The following CDC14B variants were observed in gnomAD, a reference collection of about 807,000 sequenced individuals.
The protein encoded by CDC14B is dual specificity protein phosphatase CDC14B.
In CDC14B, 22 loss-of-function variants were observed where a neutral mutation model predicts 64.2. The ratio of observed to expected loss-of-function variants is 0.34; its 90% CI spans 0.24 to 0.49. The LOEUF (loss-of-function observed/expected upper bound fraction) is 0.49. Among genes scored for constraint, CDC14B ranks in the 20% least tolerant of loss-of-function variants. CDC14B has a pLI of 0.99. For missense variants in CDC14B, 498 were observed against 629.9 expected (o/e 0.79, Z 2.24); for synonymous variants, 191 against 215.8 (o/e 0.89, Z 1.01).
rs202193145 is a variant in CDC14B at position 96,551,111 on chromosome 9, C to CTTTTTTTTTTTTTTTTTTTTT, written c.497+684_497+685insAAAAAAAAAAAAAAAAAAAAA. Reference sequence around the variant, plus strand: ...TACAAAGCCTAGGTTTTGGGGTTTGCTTTTTTTTTTTTTTTTTTTGAGACA... The same window carrying CTTTTTTTTTTTTTTTTTTTTT: ...TACAAAGCCTAGGTTTTGGGGTTTGCTTTTTTTTTTTTTTTTTTTTTTTTTTTTTTTTTTTTTTTTGAGACA... On this transcript the variant is annotated intron_variant, in intron 5 of 13. Transcript: ENST00000375241. 5.5e-3 allele frequency among the ~76,000 whole-genome samples: 516 copies of CTTTTTTTTTTTTTTTTTTTTT among 93,210 alleles called. 75 individuals are homozygous for CTTTTTTTTTTTTTTTTTTTTT. Among genetic ancestry groups the CTTTTTTTTTTTTTTTTTTTTT allele is most frequent in the South Asian group, 8.5e-3 (15 of 1,758 alleles). The allele number at this position is 93,210 out of a possible 152,430, so 61.1% of individuals were successfully genotyped here. A position where few individuals can be genotyped will look rare whatever the true frequency, so the allele number is the denominator to read the frequency against.
chr9:96,549,683 A>G (rs574329504), intron 5 of CDC14B, among the ~76,000 whole-genome samples: 1 of 152,214 alleles, frequency 6.6e-6, no homozygotes, highest in African/African-American at 2.4e-5. Flanking sequence ...AAAGAAAGAA[A>G]CACTGTTTAG....
chr9:96,571,509 T>A (rs1844476116), intron 1 of CDC14B, among the ~76,000 whole-genome samples: 1 of 151,976 alleles, frequency 6.6e-6, no homozygotes, highest in African/African-American at 2.4e-5. Flanking sequence ...CACACAGAAT[T>A]TTAAAGTGTG....
intron 1 of CDC14B, among the ~76,000 whole-genome samples, chr9:96,583,715 TTTTTTA>T (rs1382208495): frequency 6.6e-6 from 1 of 151,056 alleles, no homozygotes; most frequent in Non-Finnish European, 1.5e-5. Flanking sequence ...GGATTTCTTA[TTTTTTA>T]TTTTTATTTT....
At position 96,534,550 on chromosome 9, in the gene CDC14B, G is replaced by A. The variant is rs1210828801; in HGVS notation, c.628-8C>T. The A allele has an allele frequency of 6.3e-7, 1 of 1,588,208 alleles. No homozygotes were observed. The highest frequency in any genetic ancestry group is 8.6e-7 in the Non-Finnish European group (1 of 1,156,968). On this transcript the variant is annotated splice_region_variant and splice_polypyrimidine_tract_variant and intron_variant, in intron 7 of 13. Transcript: ENST00000375241. ...ATCTCCATTTTCTGCTTTCTGCAAG[G>A]GGAAGACCAGCACAATTCGTTTTTA...
intron 9 of CDC14B, among the ~76,000 whole-genome samples, chr9:96,533,024 T>C (rs1174073175): frequency 6.6e-6 from 1 of 152,160 alleles, no homozygotes; most frequent in African/African-American, 2.4e-5. Context: ...TGGAGTGCAG[T>C]GGCATGATCT....
intron 1 of CDC14B, among the ~76,000 whole-genome samples, chr9:96,604,562 T>C (rs916807780): frequency 8.1e-5 from 12 of 148,996 alleles, no homozygotes; most frequent in Non-Finnish European, 1.5e-4. Flanking sequence ...GTATTTTTAG[T>C]AGAGACAGGG....
intron 1 of CDC14B, among the ~76,000 whole-genome samples, chr9:96,603,736 AAC>A (rs1468662139): frequency 1.3e-5 from 2 of 152,224 alleles, no homozygotes; most frequent in South Asian, 2.1e-4. Flanking sequence ...CTCCAGTAAG[AAC>A]AGACTGAATT....
intron 5 of CDC14B, among the ~76,000 whole-genome samples, chr9:96,542,565 T>C (rs1292586700): frequency 1.3e-5 from 2 of 152,108 alleles, no homozygotes; most frequent in African/African-American, 4.8e-5. Context: ...TGCAGCTCAC[T>C]GCAGCCTCAA....
intron 1 of CDC14B, among the ~76,000 whole-genome samples, chr9:96,606,332 C>CAAAAA (rs772460843): frequency 0.028 from 595 of 21,008 alleles, 88 homozygotes; most frequent in African/African-American, 0.063. Context: ...GACTCCATCT[C>CAAAAA]AAAAAAAAAA....
rs16911282 is a variant in CDC14B, at chr9:96,556,907, G to T, written c.421-5035C>A. Among the ~76,000 whole-genome samples the T allele has an allele frequency of 7.2e-3, 1,100 of 152,136 alleles. 19 individuals carry two copies. The highest frequency in any genetic ancestry group is 0.025 in the African/African-American group (1,022 of 41,490). ...TCAACTGCTCATCCAAGATCACACC[G>T]CCTATTATTGATGGAAGAGGGCCTG... is the stretch of plus-strand genomic sequence containing the variant. On this transcript the variant is annotated intron_variant, in intron 4 of 13. Transcript: ENST00000375241.
rs544720485 is a variant in CDC14B, at chr9:96,518,993, G to A, written c.1343+3513C>T. ...CTACTAAAAATACAAAAATTTAGCC[G>A]GGCGTGGTGGTGGGCGCCTGTATTC... On this transcript the variant is annotated intron_variant, in intron 12 of 13. Transcript: ENST00000375241. Among the ~76,000 whole-genome samples the A allele has an allele frequency of 1.6e-4, 24 of 151,678 alleles. No homozygotes were observed. In the East Asian group the frequency reaches 4.1e-3, roughly 26 times the overall value.
At chr9:96,533,419 C>T (rs1278491258) in intron 9 of CDC14B, among the ~76,000 whole-genome samples, 3 of 152,314 alleles carry the variant, frequency 2.0e-5, no homozygotes, top group African/African-American at 7.2e-5. Context: ...TCCCCCTTTC[C>T]CCAAGGCTTG....
intron 1 of CDC14B, chr9:96,566,976 C>G (rs1231887034): frequency 6.9e-7 from 1 of 1,450,630 alleles, no homozygotes; most frequent in African/African-American, 1.4e-5. Context: ...CGGCCTGACA[C>G]GACAGCGCAA....
At position 96,502,976 on chromosome 9, in the gene CDC14B, C is replaced by T. The variant is rs922925776; in HGVS notation, c.*777G>A. The stretch of plus-strand genomic sequence containing the variant: ...TTAATTTGTATGACTGGCAACCAAA[C>T]AATGGGCAGCCTCCCAGTTCTTCAG... On this transcript the variant is annotated 3_prime_UTR_variant, in exon 14 of 14. Coordinates refer to ENST00000375241, the MANE Select transcript of CDC14B (RefSeq NM_033331.4). 5.0e-6 allele frequency: 2 copies of T among 397,702 alleles called. No homozygotes were observed. Among genetic ancestry groups the T allele is most frequent in the Non-Finnish European group, 8.9e-6 (2 of 225,614 alleles). 24.6% of individuals were successfully genotyped at this position (397,702 alleles called of 1,614,324 possible).
chr9:96,528,993 T>TA (rs754878215), intron 9 of CDC14B, among the ~76,000 whole-genome samples: 9 of 152,214 alleles, frequency 5.9e-5, no homozygotes, highest in Non-Finnish European at 1.2e-4. Context: ...TTCTGGATGT[T>TA]AATCCCTTAT....
At position 96,566,772 on chromosome 9, in the gene CDC14B, GA is replaced by G. The variant is rs928383807; in HGVS notation, c.161-1290del. 3.7e-6 allele frequency: 6 copies of G among 1,606,480 alleles called. No individual in the cohort carries two copies. The African/African-American group carries it at 8.0e-5, about 22-fold the overall frequency. On this transcript the variant is annotated intron_variant, in intron 1 of 13. Coordinates refer to ENST00000375241, the MANE Select transcript of CDC14B (RefSeq NM_033331.4). ...GCCCCCGCCCTCCCGGCTCACCTTTGATCACCTCGGCTACCAAAGCTGCCCC... is the reference window on the plus strand; with the variant it reads ...GCCCCCGCCCTCCCGGCTCACCTTTGTCACCTCGGCTACCAAAGCTGCCCC...
downstream of CDC14B, among the ~76,000 whole-genome samples, chr9:96,496,711 C>A (rs1363512874): frequency 6.6e-6 from 1 of 152,252 alleles, no homozygotes. Context: ...CTGAAGTCCC[C>A]GCTGGAGGAG....
chr9:96,504,320 C>T (rs933531235), intron 13 of CDC14B, among the ~76,000 whole-genome samples: 2 of 152,154 alleles, frequency 1.3e-5, no homozygotes, highest in African/African-American at 4.8e-5. Flanking sequence ...CCGCACTCCA[C>T]GATTCTCATC....
At chr9:96,555,276 C>A (rs1241652525) in intron 4 of CDC14B, among the ~76,000 whole-genome samples, 6 of 152,174 alleles carry the variant, frequency 3.9e-5, no homozygotes, top group Non-Finnish European at 5.9e-5. Flanking sequence ...TCTCTTAGAA[C>A]CCTCGCTCTG....
Sources: allele counts gnomAD v4.1 joint callset (sites outside exome capture counted in the v4.1 genomes callset), GRCh38; gene constraint gnomAD v4.1.1; transcripts MANE v1.5; gene names NCBI Gene and HGNC (gene_info 2026-07-23, HGNC 2026-07-21).